The following NOX4 variants were observed in gnomAD, a reference collection of about 807,000 sequenced individuals.
NOX4 encodes the protein NADPH oxidase 4.
A neutral mutation model predicts 87.6 loss-of-function variants in NOX4; 69 were observed. That is an observed-to-expected ratio of 0.79 (90% CI 0.65 to 0.96). The LOEUF is 0.96. Ranked by LOEUF, NOX4 falls within the 40% of genes least tolerant of loss-of-function variation. The probability of loss-of-function intolerance (pLI) is 0.00; values close to 1 mark genes in which losing one functional copy is unlikely to be tolerated. For synonymous variants in NOX4, 275 were observed against 238.2 expected (o/e 1.15, Z -1.42); for missense variants, 680 against 681.5 (o/e 1.00, Z 0.02).
intron 13 of NOX4, among the ~76,000 whole-genome samples, chr11:89,346,381 TA>T (rs1452513186): frequency 6.6e-6 from 1 of 151,902 alleles, no homozygotes; most frequent in Non-Finnish European, 1.5e-5. Context: ...TATGCTCCAA[TA>T]ACCATTATGA....
At chr11:89,426,712 C>G (rs1943439156) in intron 7 of NOX4, among the ~76,000 whole-genome samples, 1 of 152,100 alleles carries the variant, frequency 6.6e-6, no homozygotes, top group Non-Finnish European at 1.5e-5. Flanking sequence ...AGTAGGTAAA[C>G]AAAGTGGCCT....
chr11:89,348,734 ACC>A (rs1302345777), intron 13 of NOX4, among the ~76,000 whole-genome samples: 1 of 151,920 alleles, frequency 6.6e-6, no homozygotes, highest in African/African-American at 2.4e-5. Context: ...GTTTTCAGCC[ACC>A]TGGGAGTAAT....
chr11:89,542,485 T>C, the NOX4 span, among the ~76,000 whole-genome samples: 1 of 152,208 alleles, frequency 6.6e-6, no homozygotes, highest in East Asian at 1.9e-4. Context: ...GCAAACCTTG[T>C]TGATTGTGAG....
intron 2 of NOX4, among the ~76,000 whole-genome samples, chr11:89,474,405 A>C (rs1946078294): frequency 6.6e-6 from 1 of 151,060 alleles, no homozygotes; most frequent in Non-Finnish European, 1.5e-5. Context: ...CACTTTTCTA[A>C]TTGTACAAGT....
At chr11:89,431,792 G>A (rs1943798703) in intron 7 of NOX4, among the ~76,000 whole-genome samples, 1 of 152,162 alleles carries the variant, frequency 6.6e-6, no homozygotes. Context: ...AGACAGTGTG[G>A]CGATTCCTCA....
intron 2 of NOX4, among the ~76,000 whole-genome samples, chr11:89,463,681 G>A (rs570347745): frequency 6.8e-6 from 1 of 147,152 alleles, no homozygotes; most frequent in East Asian, 1.9e-4. Flanking sequence ...AATTTTCATT[G>A]ACTGATATAA....
chr11:89,403,303 T>C (rs970149248), intron 8 of NOX4, among the ~76,000 whole-genome samples: 4 of 152,154 alleles, frequency 2.6e-5, no homozygotes, highest in Non-Finnish European at 4.4e-5. Flanking sequence ...AAATGACAGA[T>C]TGTACATAGC....
At chr11:89,401,774 G>A (rs1046932413) in intron 9 of NOX4, among the ~76,000 whole-genome samples, 3 of 152,054 alleles carry the variant, frequency 2.0e-5, no homozygotes, top group East Asian at 1.9e-4. Context: ...TCAGAAAATC[G>A]AGGGTGATAT....
At chr11:89,356,351 AT>A (rs1323096124) in intron 12 of NOX4, among the ~76,000 whole-genome samples, 2 of 151,646 alleles carry the variant, frequency 1.3e-5, no homozygotes, top group Non-Finnish European at 2.9e-5. Context: ...CTAAGAATTG[AT>A]TTAGTAAACT....
chr11:89,336,099 A>G (rs1162861708), intron 16 of NOX4, 154 bp from the exon 17 acceptor site: 1 of 430,340 alleles, frequency 2.3e-6, no homozygotes, highest in African/African-American at 2.1e-5. Context: ...ATTATTTCAA[A>G]ATATCATTTC....
chr11:89,383,767 T>G (rs1370799468), intron 11 of NOX4, among the ~76,000 whole-genome samples: 1 of 152,166 alleles, frequency 6.6e-6, no homozygotes, highest in Non-Finnish European at 1.5e-5. Context: ...CTAAATTATC[T>G]GCTTCCCTGA....
chr11:89,559,555 T>C, the NOX4 span, among the ~76,000 whole-genome samples: 2 of 152,158 alleles, frequency 1.3e-5, no homozygotes, highest in Non-Finnish European at 2.9e-5. Flanking sequence ...TGAATACAAG[T>C]ATTTTATATT....
chr11:89,336,024 C>T lies in NOX4; in HGVS notation c.1516-79G>A, dbSNP rs1289351083. 2.2e-5 allele frequency: 18 copies of T among 800,296 alleles called. 1 individual carries two copies. The highest frequency in any genetic ancestry group is 2.3e-4 in the Middle Eastern group (1 of 4,314). 49.6% of individuals were successfully genotyped at this position (800,296 alleles called of 1,614,324 possible). A position where few individuals can be genotyped will look rare whatever the true frequency, so the allele number is the denominator to read the frequency against. On this transcript the variant is annotated intron_variant, in intron 16 of 17. Transcript: ENST00000263317. Reference sequence around the variant, plus strand: ...TCTAACATCATTTCTGCTGGTGCTGCGGCTTCCCACCAAATTGCTGTGATA... The same window carrying T: ...TCTAACATCATTTCTGCTGGTGCTGTGGCTTCCCACCAAATTGCTGTGATA...
At chr11:89,581,204 T>C in the NOX4 span, among the ~76,000 whole-genome samples, 1 of 152,146 alleles carries the variant, frequency 6.6e-6, no homozygotes, top group Non-Finnish European at 1.5e-5. Flanking sequence ...ATAGTCCTTT[T>C]TCAGTTAGCA....
intron 14 of NOX4, 64 bp from the exon 15 acceptor site, chr11:89,340,235 T>C (rs1945921941): frequency 2.7e-6 from 3 of 1,113,268 alleles, no homozygotes; most frequent in African/African-American, 1.6e-5. Context: ...AGAATTCGTA[T>C]ATTTTTTAAA....
chr11:89,522,200 G>T, the NOX4 span, among the ~76,000 whole-genome samples: 1 of 152,076 alleles, frequency 6.6e-6, no homozygotes, highest in Non-Finnish European at 1.5e-5. Flanking sequence ...AAAACAAATT[G>T]TTCTACCAAA....
At chr11:89,541,059 T>A in the NOX4 span, among the ~76,000 whole-genome samples, 1 of 152,142 alleles carries the variant, frequency 6.6e-6, no homozygotes, top group Non-Finnish European at 1.5e-5. Context: ...CCCGAGGCAG[T>A]GTTTTACTTA....
At chr11:89,339,035 ATCCT>A (rs1945854171) in intron 15 of NOX4, among the ~76,000 whole-genome samples, 1 of 152,170 alleles carries the variant, frequency 6.6e-6, no homozygotes, top group African/African-American at 2.4e-5. Context: ...GAGTTTTCAG[ATCCT>A]AGAATAGTTT....
chr11:89,456,008 G>C (rs1435651945), intron 2 of NOX4, among the ~76,000 whole-genome samples: 5 of 151,946 alleles, frequency 3.3e-5, no homozygotes, highest in Admixed American at 2.0e-4. Flanking sequence ...TTGTTTGATA[G>C]CACAATAAGG....
Sources: allele counts gnomAD v4.1 joint callset (sites outside exome capture counted in the v4.1 genomes callset), GRCh38; gene constraint gnomAD v4.1.1; transcripts MANE v1.5; gene names NCBI Gene and HGNC (gene_info 2026-07-23, HGNC 2026-07-21).